The following TBC1D2B variants were observed in gnomAD, a reference collection of about 807,000 sequenced individuals.
TBC1D2B encodes TBC1 domain family, member 2B.
TBC1D2B carries 64 observed loss-of-function variants against 100.8 expected under a neutral mutation model. That is an observed-to-expected ratio of 0.64 (90% confidence interval 0.52 to 0.78). TBC1D2B has a LOEUF of 0.78. TBC1D2B is among the 30% of genes least tolerant of loss of function. TBC1D2B has a pLI of 0.00. For synonymous variants in TBC1D2B, 480 were observed against 479.7 expected (o/e 1.00, Z -0.01); for missense variants, 1,052 against 1,218.4 (o/e 0.86, Z 2.03).
intron 12 of TBC1D2B, 72 bp downstream of exon 12, chr15:78,001,547 C>T: frequency 2.0e-6 from 3 of 1,505,726 alleles, no homozygotes; most frequent in Non-Finnish European, 2.7e-6. Context: ...ACAGCAAGGA[C>T]AGGCTGCTCT....
chr15:78,073,071 G>C (rs370664920), intron 1 of TBC1D2B, among the ~76,000 whole-genome samples: 4 of 152,298 alleles, frequency 2.6e-5, no homozygotes, highest in African/African-American at 9.6e-5. Flanking sequence ...TGTCAGAACA[G>C]ACAATACAAT....
intron 1 of TBC1D2B, chr15:78,066,052 C>T: frequency 2.1e-6 from 1 of 471,028 alleles, no homozygotes; most frequent in Non-Finnish European, 4.4e-6. Context: ...GTGATCATTG[C>T]AATTCACCCT....
intron 12 of TBC1D2B, chr15:77,998,816 T>C (rs560870372): frequency 8.2e-5 from 14 of 170,846 alleles, no homozygotes; most frequent in Admixed American, 3.5e-4. Context: ...CCAGGACTCA[T>C]TGACTGGGAA....
chr15:78,017,832 C>A lies in TBC1D2B; in HGVS notation c.1581+15G>T. ...ACCTCCCACCAGGTAATAGAATCCA[C>A]CTATCCTGACCCACCTTTGCCATCA... On this transcript the variant is annotated intron_variant, in intron 7 of 12. Coordinates refer to ENST00000300584, the MANE Select transcript of TBC1D2B (RefSeq NM_144572.2). 6.4e-7 allele frequency: 1 copy of A among 1,562,768 alleles called. No homozygotes were observed. The highest frequency in any genetic ancestry group is 2.2e-5 in the East Asian group (1 of 44,484).
intron 10 of TBC1D2B, among the ~76,000 whole-genome samples, chr15:78,004,060 C>G (rs1311399798): frequency 2.0e-5 from 3 of 152,200 alleles, no homozygotes; most frequent in African/African-American, 7.2e-5. Context: ...ATGCTCTAAA[C>G]GGCTCTGTGC....
intron 1 of TBC1D2B, among the ~76,000 whole-genome samples, chr15:78,068,321 GCT>G (rs1433055879): frequency 9.3e-5 from 14 of 150,568 alleles, no homozygotes; most frequent in Non-Finnish European, 3.0e-5. Flanking sequence ...AAAAATATTT[GCT>G]GAGTAAATGG....
chr15:78,050,076 G>T (rs2073280674), intron 2 of TBC1D2B, among the ~76,000 whole-genome samples: 2 of 152,108 alleles, frequency 1.3e-5, no homozygotes, highest in African/African-American at 2.4e-5. Context: ...TAATTCCTGT[G>T]GCACTGCCAA....
intron 2 of TBC1D2B, 29 bp downstream of exon 2, chr15:78,054,005 G>C: frequency 6.3e-7 from 1 of 1,597,588 alleles, no homozygotes; most frequent in Non-Finnish European, 8.5e-7. Flanking sequence ...ACAAAGAACT[G>C]ACCCAGCTCC....
rs1225713046 is a variant in TBC1D2B at position 78,031,554 on chromosome 15, CAAAAAAAAA to C, written c.684-1393_684-1385del. ...GGGCGATAGAGCAAGACTCTGTCTC[CAAAAAAAAA>C]AAAAAAAAAAAAGAGAGAGAGAGAG... On this transcript the variant is annotated intron_variant, in intron 3 of 12. Coordinates refer to ENST00000300584, the MANE Select transcript of TBC1D2B (RefSeq NM_144572.2). Among the ~76,000 whole-genome samples, 11 of 54,902 alleles carry C rather than the reference CAAAAAAAAA, an allele frequency of 2.0e-4. 1 individual carries two copies. In the East Asian group the frequency reaches 4.3e-3, roughly 21 times the overall value. The allele number at this position is 54,902 out of a possible 152,430, so 36.0% of individuals were successfully genotyped here.
At chr15:78,008,023 C>A (rs2072113425) in intron 10 of TBC1D2B, among the ~76,000 whole-genome samples, 1 of 152,242 alleles carries the variant, frequency 6.6e-6, no homozygotes, top group African/African-American at 2.4e-5. Context: ...GGGCACAGAC[C>A]TGGAGAAGAG....
Position 77,996,251 on chromosome 15 carries a change from A to C in TBC1D2B, c.*1909T>G, listed in dbSNP as rs1449496680. ...TGCATCTCTCAGGGCAAACTGGACA[A>C]CACGAGCCTGTCCCTAAAGGCAGCT... On this transcript the variant is annotated 3_prime_UTR_variant, in exon 13 of 13. Coordinates refer to ENST00000300584, the MANE Select transcript of TBC1D2B (RefSeq NM_144572.2). 1.3e-5 allele frequency: 2 copies of C among 152,094 alleles called. No homozygotes were observed. The highest frequency in any genetic ancestry group is 6.6e-5 in the Admixed American group (1 of 15,266). 9.4% of individuals were successfully genotyped at this position (152,094 alleles called of 1,614,324 possible).
intron 3 of TBC1D2B, among the ~76,000 whole-genome samples, chr15:78,031,998 C>T (rs2141721489): frequency 6.6e-6 from 1 of 152,234 alleles, no homozygotes; most frequent in East Asian, 1.9e-4. Flanking sequence ...AGAGTGGAGA[C>T]TCTCAAGGCA....
chr15:78,076,128 GT>G (rs2073824621), intron 1 of TBC1D2B, among the ~76,000 whole-genome samples: 1 of 152,068 alleles, frequency 6.6e-6, no homozygotes, highest in African/African-American at 2.4e-5. Context: ...CTCAAAGCAG[GT>G]GGGCCCCTAG....
intron 3 of TBC1D2B, among the ~76,000 whole-genome samples, chr15:78,033,836 T>A (rs1185991697): frequency 6.6e-6 from 1 of 152,246 alleles, no homozygotes; most frequent in Non-Finnish European, 1.5e-5. Flanking sequence ...AATGTGTTTT[T>A]TAAAGCATAT....
At chr15:78,072,764 G>A (rs929248852) in intron 1 of TBC1D2B, among the ~76,000 whole-genome samples, 2 of 152,186 alleles carry the variant, frequency 1.3e-5, no homozygotes, top group Non-Finnish European at 2.9e-5. Flanking sequence ...CCCTCGGTCA[G>A]TCACATGCTC....
rs764888169 is a variant in TBC1D2B at position 78,054,173 on chromosome 15, T to C, written c.375A>G (p.Gln125=). Residue 125 remains glutamine (Q), a synonymous_variant, in exon 2 of 13, where the codon CAA becomes CAG. Transcript: ENST00000300584. ...GCTCCTGTAACCAGTAAGTCATGAG[T>C]TGACGATTGGGAGCCTAGAAAGAGG... is the stretch of plus-strand genomic sequence containing the variant. The part of the protein sequence containing the change: ...AVTVLKAPNR[Q]LMTYWLQELQ... The C allele has an allele frequency of 3.5e-5, 57 of 1,612,106 alleles. No homozygotes were observed. The Admixed American group carries it at 4.7e-4, about 13-fold the overall frequency.
chr15:78,014,449 G>A (rs1286748417), intron 8 of TBC1D2B, among the ~76,000 whole-genome samples: 2 of 152,224 alleles, frequency 1.3e-5, no homozygotes, highest in African/African-American at 4.8e-5. Flanking sequence ...GCACCCTAGA[G>A]AAACTCTCTC....
chr15:78,063,671 T>G (rs2073595234), intron 1 of TBC1D2B, among the ~76,000 whole-genome samples: 1 of 152,162 alleles, frequency 6.6e-6, no homozygotes, highest in African/African-American at 2.4e-5. Flanking sequence ...AACTCTGCTC[T>G]AAGGGTGTTT....
chr15:78,045,756 G>A (rs1288395581), intron 2 of TBC1D2B, among the ~76,000 whole-genome samples: 2 of 152,070 alleles, frequency 1.3e-5, no homozygotes, highest in East Asian at 3.8e-4. Context: ...TTTGCTTCAG[G>A]TAACATGTTA....
Sources: gnomAD v4.1 joint callset for allele counts (sites outside exome capture counted in the v4.1 genomes callset) on GRCh38, gnomAD v4.1.1 for gene constraint, MANE v1.5 for transcripts, NCBI Gene and HGNC (gene_info 2026-07-23, HGNC 2026-07-21) for gene names.